Variants in SNX9 observed in about 807,000 individuals in gnomAD.
The protein encoded by SNX9 is sorting nexin-9.
Under a neutral mutation model 89.4 loss-of-function variants are expected in SNX9, and 44 were observed. The observed-to-expected ratio is 0.49, with a 90% CI of 0.39 to 0.63. The LOEUF is 0.63. Ranked by LOEUF, SNX9 falls within the 30% of genes least tolerant of loss-of-function variation. The pLI, the probability that SNX9 is intolerant of heterozygous loss-of-function variation, is 0.00. For missense variants in SNX9, 578 were observed against 736.1 expected, an observed-to-expected ratio of 0.79 and a Z score of 2.49; for synonymous variants, 236 against 247.8, an observed-to-expected ratio of 0.95 and a Z score of 0.45.
intron 9 of SNX9, among the ~76,000 whole-genome samples, chr6:157,920,935 C>T (rs186427737): frequency 6.6e-6 from 1 of 152,262 alleles, no homozygotes; most frequent in African/African-American, 2.4e-5. Flanking sequence ...TGGAAAAATT[C>T]CTTTGGTATT....
At chr6:157,927,276 G>A in intron 11 of SNX9, 62 bp downstream of exon 11, 2 of 1,220,830 alleles carry the variant, frequency 1.6e-6, no homozygotes, top group South Asian at 2.4e-5. Context: ...TGGCCATCAG[G>A]CTTCAGCCAG....
At chr6:157,866,504 G>T (rs117909075) in intron 1 of SNX9, among the ~76,000 whole-genome samples, 7,732 of 152,246 alleles carry the variant, frequency 0.051, 221 homozygotes, top group East Asian at 0.11. Context: ...AGCCTGGTAG[G>T]TCGAGGCTGC....
At chr6:157,851,692 C>A (rs763476138) in intron 1 of SNX9, among the ~76,000 whole-genome samples, 2 of 152,146 alleles carry the variant, frequency 1.3e-5, no homozygotes, top group Non-Finnish European at 2.9e-5. Context: ...AGGGTTCAAG[C>A]GATTTTCCTG....
chr6:157,896,776 A>G lies in SNX9; in HGVS notation c.301-51A>G, dbSNP rs554740551. ...TGTCAGTTCATTATTGAATTGAGTCATGGTTTCCAAAAGTCACAAAAATTC... is the reference window on the plus strand; with the variant it reads ...TGTCAGTTCATTATTGAATTGAGTCGTGGTTTCCAAAAGTCACAAAAATTC... On this transcript the variant is annotated intron_variant, in intron 4 of 17. Transcript: ENST00000392185. 3 of 1,601,078 alleles carry G rather than the reference A, an allele frequency of 1.9e-6. No homozygotes were observed. The African/African-American group carries it at 4.0e-5, about 22-fold the overall frequency.
At chr6:157,877,026 A>G (rs1407507146) in intron 4 of SNX9, among the ~76,000 whole-genome samples, 1 of 152,268 alleles carries the variant, frequency 6.6e-6, no homozygotes, top group East Asian at 1.9e-4. Context: ...TAATGAGGTA[A>G]TGAGATCATA....
intron 7 of SNX9, among the ~76,000 whole-genome samples, chr6:157,907,753 A>G (rs903486913): frequency 4.6e-5 from 7 of 152,230 alleles, no homozygotes; most frequent in Non-Finnish European, 8.8e-5. Flanking sequence ...GAGGAAAGCC[A>G]CCGCGTCTTC....
chr6:157,920,738 A>G (rs1293834412), intron 9 of SNX9, among the ~76,000 whole-genome samples: 2 of 152,228 alleles, frequency 1.3e-5, no homozygotes, highest in African/African-American at 2.4e-5. Context: ...AACTTCTACC[A>G]CTAGAAGGCT....
At chr6:157,873,756 A>G (rs907722030) in intron 3 of SNX9, among the ~76,000 whole-genome samples, 19 of 152,070 alleles carry the variant, frequency 1.2e-4, no homozygotes, top group Non-Finnish European at 2.2e-4. Context: ...TTTTAAGTGC[A>G]TATCTCAGTT....
chr6:157,907,234 ACTC>A (rs1247870938), intron 7 of SNX9, among the ~76,000 whole-genome samples: 2 of 151,746 alleles, frequency 1.3e-5, no homozygotes, highest in Non-Finnish European at 2.9e-5. Flanking sequence ...GACATTTAAA[ACTC>A]CTCAAAATCA....
At chr6:157,928,976 A>T (rs1439285082) in intron 12 of SNX9, among the ~76,000 whole-genome samples, 1 of 152,134 alleles carries the variant, frequency 6.6e-6, no homozygotes, top group East Asian at 1.9e-4. Flanking sequence ...TGGAAAATTA[A>T]TCATTTTTGC....
chr6:157,827,893 A>G (rs1583186517), intron 1 of SNX9, among the ~76,000 whole-genome samples: 1 of 150,754 alleles, frequency 6.6e-6, no homozygotes, highest in Middle Eastern at 3.4e-3. Flanking sequence ...TTCGGTTCCA[A>G]TACCTAAAGT....
chr6:157,880,251 C>G (rs1350107850), intron 4 of SNX9, among the ~76,000 whole-genome samples: 1 of 152,178 alleles, frequency 6.6e-6, no homozygotes, highest in African/African-American at 2.4e-5. Context: ...GATTAGGCCA[C>G]CAATATAAAG....
chr6:157,893,123 G>A (rs187192875), intron 4 of SNX9, among the ~76,000 whole-genome samples: 1 of 152,292 alleles, frequency 6.6e-6, no homozygotes, highest in Admixed American at 6.5e-5. Context: ...TGCTAAATAG[G>A]AGAATAAAAC....
chr6:157,892,034 A>G (rs1782872642), intron 4 of SNX9, among the ~76,000 whole-genome samples: 1 of 148,676 alleles, frequency 6.7e-6, no homozygotes, highest in South Asian at 2.1e-4. Flanking sequence ...TTAATTACCC[A>G]TGATGGACAG....
At chr6:157,878,107 G>A (rs1782553459) in intron 4 of SNX9, among the ~76,000 whole-genome samples, 1 of 152,088 alleles carries the variant, frequency 6.6e-6, no homozygotes, top group Non-Finnish European at 1.5e-5. Context: ...GGTTGCTTGG[G>A]GGACCCTTTG....
intron 1 of SNX9, among the ~76,000 whole-genome samples, chr6:157,856,439 G>A (rs549171087): frequency 6.6e-6 from 1 of 152,314 alleles, no homozygotes; most frequent in Non-Finnish European, 1.5e-5. Context: ...GTATTTTCAT[G>A]TATACCTCTA....
chr6:157,929,136 C>T (rs1186447457), intron 12 of SNX9, among the ~76,000 whole-genome samples: 8 of 152,192 alleles, frequency 5.3e-5, no homozygotes, highest in Non-Finnish European at 1.0e-4. Context: ...ACAGCAGAAG[C>T]ACTGCCGAGG....
chr6:157,928,517 CTG>C, intron 11 of SNX9, 80 bp from the exon 12 acceptor site: 1 of 1,037,692 alleles, frequency 9.6e-7, no homozygotes, highest in South Asian at 1.4e-5. Context: ...AAACAAGTGT[CTG>C]TGGTTATATT....
intron 4 of SNX9, among the ~76,000 whole-genome samples, chr6:157,875,982 T>TA (rs1038454776): frequency 1.0e-4 from 15 of 148,910 alleles, no homozygotes; most frequent in Non-Finnish European, 2.1e-4. Context: ...CTCCACACGT[T>TA]AAAAAAAAAG....
Sources: gnomAD v4.1 joint callset for allele counts (sites outside exome capture counted in the v4.1 genomes callset) on GRCh38, gnomAD v4.1.1 for gene constraint, MANE v1.5 for transcripts, NCBI Gene and HGNC (gene_info 2026-07-23, HGNC 2026-07-21) for gene names.